COL2A1: variants seen among roughly 807,000 people sequenced by gnomAD.
The protein encoded by COL2A1 is collagen alpha-1(II) chain.
COL2A1 carries 28 observed loss-of-function variants against 204.5 expected under a neutral mutation model. That is an observed-to-expected ratio of 0.14 (90% CI 0.10 to 0.19). The LOEUF (loss-of-function observed/expected upper bound fraction) is 0.19, where lower values mean the gene tolerates loss of function less well. Among genes scored for constraint, COL2A1 ranks in the 10% least tolerant of loss-of-function variants. The pLI, the probability that COL2A1 is intolerant of heterozygous loss-of-function variation, is 1.00. For missense variants in COL2A1, 1,388 were observed against 2,027.5 expected, an observed-to-expected ratio of 0.68 and a Z score of 6.06; for synonymous variants, 708 against 718.7, an observed-to-expected ratio of 0.99 and a Z score of 0.24.
Position 47,980,451 on chromosome 12 carries a change from C to A in COL2A1, c.2625+103G>T. The A allele has an allele frequency of 9.3e-7, 1 of 1,071,924 alleles. No individual in the cohort carries two copies. Among genetic ancestry groups the A allele is most frequent in the Non-Finnish European group, 1.4e-6 (1 of 710,944 alleles). The allele number at this position is 1,071,924 out of a possible 1,614,324, so 66.4% of individuals were successfully genotyped here. A position where few individuals can be genotyped will look rare whatever the true frequency, so the allele number is the denominator to read the frequency against. On this transcript the variant is annotated intron_variant, in intron 39 of 53. Transcript: ENST00000380518. The surrounding 1 kb of genome is among the most constrained non-coding windows in gnomAD (Gnocchi z 4.5). Reference sequence around the variant, plus strand: ...CCTTCTACCAACATGGGGGTGTTCCCAGGCCTGCGAACCATCCTCTGCGCA... The same window carrying A: ...CCTTCTACCAACATGGGGGTGTTCCAAGGCCTGCGAACCATCCTCTGCGCA...
At chr12:47,999,887 T>G (rs1940150397) in intron 2 of COL2A1, 32 bp downstream of exon 2, 1 of 1,589,502 alleles carries the variant, frequency 6.3e-7, no homozygotes, top group African/African-American at 1.3e-5. Flanking sequence ...AGTAATTTAT[T>G]TATGTTGAAC....
chr12:47,977,866 T>C, intron 44 of COL2A1, 144 bp downstream of exon 44: 5 of 916,174 alleles, frequency 5.5e-6, no homozygotes, highest in East Asian at 2.6e-5. Context: ...CTTCCCATTG[T>C]ACCTAGGCTT....
rs1413494593 is a variant in COL2A1, at chr12:47,978,897, A to AC, written c.2734-140dup. 18 of 816,664 alleles carry AC rather than the reference A, an allele frequency of 2.2e-5. No individual in the cohort carries two copies. In the East Asian group the frequency reaches 2.9e-4, roughly 13 times the overall value. 50.6% of individuals were successfully genotyped at this position (816,664 alleles called of 1,614,324 possible). ...CCCCACACTAAGGGCAGGCAGCTTA[A>AC]CCCCCCCAACCCCAATCTACCGCTG... On this transcript the variant is annotated intron_variant, in intron 41 of 53. Coordinates refer to ENST00000380518, the MANE Select transcript of COL2A1 (RefSeq NM_001844.5). The surrounding 1 kb of genome is among the most constrained non-coding windows in gnomAD (Gnocchi z 5.5).
Position 47,976,999 on chromosome 12 carries a change from T to A in COL2A1, c.3328-80A>T. ...CTCCTGTCCCACCCAAGCTGAGGAATCCCCGGAAACACAGGGCTGGAGGCC... is the reference window on the plus strand; with the variant it reads ...CTCCTGTCCCACCCAAGCTGAGGAAACCCCGGAAACACAGGGCTGGAGGCC... On this transcript the variant is annotated intron_variant, in intron 47 of 53. Transcript: ENST00000380518. The surrounding 1 kb of genome is among the most constrained non-coding windows in gnomAD (Gnocchi z 4.3). The A allele has an allele frequency of 3.9e-6, 6 of 1,536,338 alleles. No individual in the cohort carries two copies. The highest frequency in any genetic ancestry group is 5.3e-6 in the Non-Finnish European group (6 of 1,127,762).
In COL2A1 at chr12:47,973,546, G is replaced by A. The variant is rs750624540; in HGVS notation, c.4325C>T (p.Thr1442Ile). 1.9e-6 allele frequency: 3 copies of A among 1,614,036 alleles called. No individual in the cohort carries two copies. The highest frequency in any genetic ancestry group is 1.1e-5 in the South Asian group (1 of 91,062). The change falls in exon 54 of 54, where the codon ACC becomes ATC. Residue 1442 changes from threonine (T) to isoleucine (I), a missense_variant. This residue lies in a region of COL2A1 where 303 missense variants were observed against 369.2 expected (regional missense o/e 0.82). Coordinates refer to ENST00000380518, the MANE Select transcript of COL2A1 (RefSeq NM_001844.5). ...TALKDGCTKH[T>I]GKWGKTVIEY... ...GATAACAGTCTTGCCCCACTTACCG[G>A]TATGTTTCTAGGGGAGAAAAAAGGA...
In COL2A1 at chr12:47,986,421, G is replaced by C. The variant is rs1939414413; in HGVS notation, c.1442C>G (p.Ala481Gly). Residue 481 changes from alanine to glycine, a missense_variant, in exon 23 of 54, where the codon GCC (alanine) becomes GGC (glycine). By Grantham distance (60) the Ala-to-Gly change is moderately conservative. This residue lies in a region of COL2A1 where 884 missense variants were observed against 1,415.8 expected (regional missense o/e 0.62). Coordinates refer to ENST00000380518, the MANE Select transcript of COL2A1 (RefSeq NM_001844.5). ...GEPGPAGPQGAPGPAGEEGKR... is the reference protein window; with the variant it reads ...GEPGPAGPQGGPGPAGEEGKR... ...GCCTTCTTCACCAGCGGGTCCAGGGGCTCCCTGGGGGCCAGCAGGGCCCTG... is the reference window on the plus strand; with the variant it reads ...GCCTTCTTCACCAGCGGGTCCAGGGCCTCCCTGGGGGCCAGCAGGGCCCTG... The C allele has an allele frequency of 6.4e-7, 1 of 1,558,946 alleles. No homozygotes were observed.
At chr12:47,983,266 G>A in intron 31 of COL2A1, 119 bp downstream of exon 31, 35 of 1,472,350 alleles carry the variant, frequency 2.4e-5, no homozygotes, top group Non-Finnish European at 3.3e-5. Context: ...CTGGGACATG[G>A]GTCCAGGACA....
In COL2A1 at chr12:47,985,024, T is replaced by C; in HGVS notation, c.1804A>G (p.Met602Val). 3.7e-6 allele frequency: 6 copies of C among 1,614,004 alleles called. No homozygotes were observed. The highest frequency in any genetic ancestry group is 3.3e-4 in the Middle Eastern group (2 of 6,062). ...GCACCTTTGGGGCCAGGGAAACCCATGACACCAGGCTGCCCACGAGCCCCC... is the reference window on the plus strand; with the variant it reads ...GCACCTTTGGGGCCAGGGAAACCCACGACACCAGGCTGCCCACGAGCCCCC... Reference protein sequence around the residue: ...PQGARGQPGVMGFPGPKGANG... With the variant: ...PQGARGQPGVVGFPGPKGANG... Residue 602 changes from methionine to valine, a missense_variant, in exon 27 of 54, where the codon ATG becomes GTG. Transcript: ENST00000380518.
At chr12:47,974,369 C>T in intron 52 of COL2A1, 38 bp from the exon 53 acceptor site, 1 of 1,611,122 alleles carries the variant, frequency 6.2e-7, no homozygotes, top group African/African-American at 1.3e-5. Flanking sequence ...GGCCTGGGAG[C>T]TGGCATTCAA....
Position 48,000,029 on chromosome 12 carries a change from G to A in COL2A1, c.182C>T (p.Thr61Ile). 6.2e-7 allele frequency: 1 copy of A among 1,613,756 alleles called. No individual in the cohort carries two copies. The highest frequency in any genetic ancestry group is 8.5e-7 in the Non-Finnish European group (1 of 1,179,682). Residue 61 changes from threonine to isoleucine, a missense_variant, in exon 2 of 54, where the codon ACT (threonine) becomes ATT (isoleucine). Coordinates refer to ENST00000380518, the MANE Select transcript of COL2A1 (RefSeq NM_001844.5). ...ACAGATTATGTCGTCGCAGAGGACA[G>A]TCCCAGTGTCACAGACACAGATCCG... ...PCRICVCDTG[T>I]VLCDDIICED... is the part of the protein sequence containing the mutation.
chr12:47,980,980 G>T lies in COL2A1; in HGVS notation c.2464-12C>A, dbSNP rs763788974. ...TCTCCACGTTCACCCTGTGAGAGAA[G>T]GGGGCATGGCGAGAGGTCAGGCCCC... On this transcript the variant is annotated splice_polypyrimidine_tract_variant and intron_variant, in intron 37 of 53. Coordinates refer to ENST00000380518, the MANE Select transcript of COL2A1 (RefSeq NM_001844.5). The surrounding 1 kb of genome is among the most constrained non-coding windows in gnomAD (Gnocchi z 4.5). The T allele has an allele frequency of 6.4e-7, 1 of 1,550,664 alleles. No individual in the cohort carries two copies. Among genetic ancestry groups the T allele is most frequent in the Non-Finnish European group, 8.7e-7 (1 of 1,146,966 alleles).
intron 45 of COL2A1, 60 bp downstream of exon 45, chr12:47,977,540 T>G (rs930128565): frequency 1.9e-6 from 3 of 1,608,308 alleles, no homozygotes; most frequent in African/African-American, 1.3e-5. Flanking sequence ...CCAGCTGACC[T>G]GTCAGGCCCG....
chr12:47,977,949 A>C, intron 44 of COL2A1, 61 bp downstream of exon 44: 1 of 1,466,546 alleles, frequency 6.8e-7, no homozygotes, highest in South Asian at 1.2e-5. Flanking sequence ...CTGACCCAGC[A>C]CAGAGACTCA....
intron 32 of COL2A1, 58 bp from the exon 33 acceptor site, chr12:47,983,004 G>A: frequency 1.9e-6 from 3 of 1,607,020 alleles, no homozygotes; most frequent in Non-Finnish European, 2.6e-6. Context: ...AAGGTCCAGG[G>A]AGAAGCAGGG....
chr12:47,992,780 C>G (rs1383281218), intron 16 of COL2A1, 98 bp downstream of exon 16: 34 of 1,248,052 alleles, frequency 2.7e-5, no homozygotes, highest in Non-Finnish European at 4.0e-5. Context: ...ACAATACTCC[C>G]TATGCCTCAC....
At chr12:48,004,928 G>A (rs1940408477), upstream of COL2A1, among the ~76,000 whole-genome samples, 1 of 152,244 alleles carries the variant, frequency 6.6e-6, no homozygotes, top group Admixed American at 6.5e-5. Context: ...AGCGGAGGGC[G>A]AGGGGGCACC....
chr12:47,990,585 G>T (rs1939656682), intron 16 of COL2A1, among the ~76,000 whole-genome samples: 1 of 152,188 alleles, frequency 6.6e-6, no homozygotes, highest in African/African-American at 2.4e-5. Flanking sequence ...TCCCCAGACA[G>T]CCTGCTCTTA....
intron 37 of COL2A1, among the ~76,000 whole-genome samples, 161 bp from the exon 38 acceptor site, chr12:47,981,129 C>T (rs546686154): frequency 3.5e-4 from 54 of 152,316 alleles, no homozygotes; most frequent in African/African-American, 1.3e-3. Flanking sequence ...TCTGTTAACC[C>T]AAAAGCCCTC....
Position 47,974,829 on chromosome 12 carries a change from G to A in COL2A1, c.3920C>T (p.Thr1307Ile), listed in dbSNP as rs761461081. 3.7e-6 allele frequency: 6 copies of A among 1,614,190 alleles called. No homozygotes were observed. The highest frequency in any genetic ancestry group is 2.2e-5 in the East Asian group (1 of 44,874). The part of the protein sequence containing the change: ...DYWIDPNQGC[T>I]LDAMKVFCNM... The stretch of plus-strand genomic sequence containing the variant: ...GCAGAAAACCTTCATGGCGTCCAAG[G>A]TGCAGCCTTGGTTGGGGTCAATCCA... The change falls in exon 52 of 54, where the codon ACC (threonine) becomes ATC (isoleucine). Residue 1307 changes from threonine (T) to isoleucine (I), a missense_variant. Coordinates refer to ENST00000380518, the MANE Select transcript of COL2A1 (RefSeq NM_001844.5).
Sources: allele counts gnomAD v4.1 joint callset (sites outside exome capture counted in the v4.1 genomes callset), GRCh38; gene constraint gnomAD v4.1.1; regional missense constraint gnomAD v4.1.1; non-coding constraint Gnocchi (gnomAD v3.1); transcripts MANE v1.5; gene names NCBI Gene and HGNC (gene_info 2026-07-23, HGNC 2026-07-21).